TEX11: variants seen among roughly 807,000 people sequenced by gnomAD.
TEX11 encodes the protein testis-expressed protein 11.
In TEX11, 7 loss-of-function variants were observed where a neutral mutation model predicts 84.4. The ratio of observed to expected loss-of-function variants is 0.08; its 90% confidence interval spans 0.05 to 0.16. The LOEUF (loss-of-function observed/expected upper bound fraction) is 0.16. Ranked by LOEUF, TEX11 falls within the 10% of genes least tolerant of loss-of-function variation. TEX11 has a pLI of 1.00. For synonymous variants in TEX11, 264 were observed against 222.8 expected (o/e 1.18, Z -1.64); for missense variants, 551 against 660.5 (o/e 0.83, Z 1.82).
At chrX:70,777,473 A>G (rs1602118956) in intron 9 of TEX11, among the ~76,000 whole-genome samples, 1 of 110,158 alleles carries the variant, frequency 9.1e-6, no homozygotes, top group Non-Finnish European at 1.9e-5. Flanking sequence ...ACATGGAGAA[A>G]CCCCCGTCTC....
At chrX:70,523,350 G>A in the TEX11 span, among the ~76,000 whole-genome samples, 1 of 111,366 alleles carries the variant, frequency 9.0e-6, no homozygotes, top group East Asian at 2.8e-4. Context: ...CTCTTGACCT[G>A]GACAAATTGT....
chrX:70,833,279 AAAAAGAAAAGAAAAG>A lies in TEX11; in HGVS notation c.606+219_606+233del, dbSNP rs201329658. Among the ~76,000 whole-genome samples, 46 of 103,349 alleles carry A rather than the reference AAAAAGAAAAGAAAAG, an allele frequency of 4.5e-4. 1 individual carries two copies. Among genetic ancestry groups the A allele is most frequent in the South Asian group, 3.9e-3 (9 of 2,318 alleles). The allele number at this position is 103,349 out of a possible 115,157, so 89.7% of individuals were successfully genotyped here. On this transcript the variant is annotated intron_variant, in intron 8 of 29. Coordinates refer to ENST00000374333, the MANE Select transcript of TEX11 (RefSeq NM_031276.3). ...AGTGAGACTCCATCTCAGAAAAAAA[AAAAAGAAAAGAAAAG>A]AAAAGAAAAGAAAAGAAAAAAAAGA... is the stretch of plus-strand genomic sequence containing the variant.
At chrX:70,908,394 T>A (rs1366316090) in intron 1 of TEX11, among the ~76,000 whole-genome samples, 2 of 109,515 alleles carry the variant, frequency 1.8e-5, no homozygotes, top group African/African-American at 6.7e-5. Context: ...GCATCTAAAC[T>A]ACAGTAACTA....
At chrX:70,748,526 G>A (rs2090785366) in intron 9 of TEX11, among the ~76,000 whole-genome samples, 1 of 111,307 alleles carries the variant, frequency 9.0e-6, no homozygotes, top group South Asian at 3.8e-4. Flanking sequence ...TAATGCCTAG[G>A]TTTTCTTTAG....
chrX:70,854,983 G>C (rs925015383), intron 5 of TEX11, among the ~76,000 whole-genome samples: 11 of 110,014 alleles, frequency 1.0e-4, no homozygotes, highest in African/African-American at 3.6e-4. Context: ...GGGGTGCCAA[G>C]GTTGCAGTGA....
intron 11 of TEX11, among the ~76,000 whole-genome samples, chrX:70,729,219 G>A (rs1225736270): frequency 9.1e-6 from 1 of 110,271 alleles, no homozygotes; most frequent in African/African-American, 3.3e-5. Flanking sequence ...GGAAAAAACA[G>A]AGCAGAAAAA....
chrX:70,896,246 C>T (rs1018803670), intron 2 of TEX11, among the ~76,000 whole-genome samples: 2 of 112,235 alleles, frequency 1.8e-5, no homozygotes, highest in Non-Finnish European at 3.8e-5. Context: ...GACATTTATG[C>T]GGCCAGCAAA....
intron 17 of TEX11, among the ~76,000 whole-genome samples, chrX:70,637,144 A>G (rs2089585465): frequency 1.8e-5 from 2 of 112,395 alleles, no homozygotes; most frequent in Non-Finnish European, 3.8e-5. Flanking sequence ...AAATGTATGA[A>G]AAATAGCTCA....
At chrX:70,750,840 G>A (rs1435594254) in intron 9 of TEX11, among the ~76,000 whole-genome samples, 52 of 93,602 alleles carry the variant, frequency 5.6e-4, no homozygotes, top group African/African-American at 1.9e-3. Flanking sequence ...GTTAGTGGGT[G>A]CAGCGCACCA....
chrX:70,790,209 C>A (rs1374809508), intron 9 of TEX11, among the ~76,000 whole-genome samples: 2 of 111,675 alleles, frequency 1.8e-5, no homozygotes, highest in Non-Finnish European at 3.8e-5. Flanking sequence ...AGCTGGGAAG[C>A]ACCTCTCTCA....
chrX:70,830,342 C>T (rs962178085), intron 8 of TEX11, among the ~76,000 whole-genome samples: 2 of 111,503 alleles, frequency 1.8e-5, no homozygotes, highest in Non-Finnish European at 3.8e-5. Context: ...CACATGCACC[C>T]AACACTGGAG....
intron 13 of TEX11, among the ~76,000 whole-genome samples, chrX:70,699,492 T>G (rs778595445): frequency 2.6e-4 from 29 of 112,002 alleles, no homozygotes; most frequent in Non-Finnish European, 4.5e-4. Context: ...AACACTCATG[T>G]GGGAAGTTAT....
chrX:70,691,599 A>C (rs2090235363), intron 13 of TEX11, among the ~76,000 whole-genome samples: 2 of 111,408 alleles, frequency 1.8e-5, no homozygotes, highest in African/African-American at 6.5e-5. Flanking sequence ...CTAATATGTG[A>C]AGGCTAAAAA....
rs753451362 is a variant in TEX11, at chrX:70,733,618, C to A, written c.843+7083G>T. 1.3e-4 allele frequency among the ~76,000 whole-genome samples: 15 copies of A among 111,609 alleles called. No homozygotes were observed. The South Asian group carries it at 5.4e-3, about 40-fold the overall frequency. ...AACCACAGTGAGATACCATCTCACA[C>A]CAGTTAGAATGGCATCATTAAAAAG... On this transcript the variant is annotated intron_variant, in intron 11 of 29. Transcript: ENST00000374333.
intron 25 of TEX11, among the ~76,000 whole-genome samples, chrX:70,566,767 G>T (rs1354309289): frequency 9.0e-6 from 1 of 111,676 alleles, no homozygotes; most frequent in African/African-American, 3.3e-5. Flanking sequence ...CTTGATCATG[G>T]TGGATAAGCT....
intron 18 of TEX11, among the ~76,000 whole-genome samples, chrX:70,627,913 C>T (rs1249967217): frequency 9.0e-6 from 1 of 111,378 alleles, no homozygotes; most frequent in Non-Finnish European, 1.9e-5. Flanking sequence ...TCTCATACTC[C>T]TCCCCTATAG....
At chrX:70,681,580 A>C (rs1051804743) in intron 14 of TEX11, among the ~76,000 whole-genome samples, 1 of 112,044 alleles carries the variant, frequency 8.9e-6, no homozygotes, top group African/African-American at 3.2e-5. Flanking sequence ...TTGTACTATT[A>C]ATATATCACA....
chrX:70,628,139 A>G (rs930794607), intron 18 of TEX11, among the ~76,000 whole-genome samples: 4 of 109,961 alleles, frequency 3.6e-5, no homozygotes, highest in Non-Finnish European at 5.7e-5. Flanking sequence ...CTGAGGCACA[A>G]GAATCACTTG....
At chrX:70,842,766 T>A (rs888642329) in intron 7 of TEX11, among the ~76,000 whole-genome samples, 5 of 111,846 alleles carry the variant, frequency 4.5e-5, no homozygotes, top group African/African-American at 1.3e-4. Flanking sequence ...CTCAAGCTGA[T>A]AAACAACTTC....
Sources: gnomAD v4.1 joint callset for allele counts (sites outside exome capture counted in the v4.1 genomes callset) on GRCh38, gnomAD v4.1.1 for gene constraint, MANE v1.5 for transcripts, NCBI Gene and HGNC (gene_info 2026-07-23, HGNC 2026-07-21) for gene names.